The following PLXNA4 variants were observed in gnomAD, a reference collection of about 807,000 sequenced individuals.
The protein encoded by PLXNA4 is plexin-A4.
In PLXNA4, 44 loss-of-function variants were observed where a neutral mutation model predicts 191.8. That is an observed-to-expected ratio of 0.23 (90% CI 0.18 to 0.29). The LOEUF (loss-of-function observed/expected upper bound fraction) is 0.29, where lower values mean the gene tolerates loss of function less well. Ranked by LOEUF, PLXNA4 falls within the 10% of genes least tolerant of loss-of-function variation. The pLI, the probability that PLXNA4 is intolerant of heterozygous loss-of-function variation, is 1.00. For synonymous variants in PLXNA4, 1,082 were observed against 1,009.5 expected (o/e 1.07, Z -1.36); for missense variants, 1,800 against 2,488.8 (o/e 0.72, Z 5.89).
At chr7:132,153,996 C>G (rs79286416) in intron 25 of PLXNA4, among the ~76,000 whole-genome samples, 2,188 of 152,294 alleles carry the variant, frequency 0.014, 26 homozygotes, top group Non-Finnish European at 0.02. Context: ...AGCCACTAAC[C>G]AGGCTAGGTA....
At chr7:132,465,204 G>A (rs900337360) in intron 3 of PLXNA4, among the ~76,000 whole-genome samples, 1 of 152,198 alleles carries the variant, frequency 6.6e-6, no homozygotes, top group Admixed American at 6.5e-5. Context: ...CAGGCAGTGT[G>A]GAGGCTGGGG....
intron 3 of PLXNA4, among the ~76,000 whole-genome samples, chr7:132,443,287 C>A (rs1795765291): frequency 6.6e-6 from 1 of 152,206 alleles, no homozygotes; most frequent in South Asian, 2.1e-4. Flanking sequence ...TGCACCCCGT[C>A]CTCTGTGGGG....
At chr7:132,348,509 T>C (rs1454984102) in intron 3 of PLXNA4, among the ~76,000 whole-genome samples, 1 of 152,206 alleles carries the variant, frequency 6.6e-6, no homozygotes, top group Non-Finnish European at 1.5e-5. Flanking sequence ...TTCCACATCA[T>C]GACACAGAAA....
intron 1 of PLXNA4, among the ~76,000 whole-genome samples, chr7:132,514,939 A>G (rs968201675): frequency 6.6e-6 from 1 of 152,156 alleles, no homozygotes; most frequent in African/African-American, 2.4e-5. Context: ...GCTGTCATTC[A>G]TTTATCCTCT....
intron 3 of PLXNA4, among the ~76,000 whole-genome samples, chr7:132,448,372 A>G (rs1795987854): frequency 6.6e-6 from 1 of 152,208 alleles, no homozygotes; most frequent in Non-Finnish European, 1.5e-5. Flanking sequence ...AACTATTGGT[A>G]GTTTGCGAAC....
At chr7:132,632,569 T>A (rs1225059939) in intron 2 of PLXNA4, among the ~76,000 whole-genome samples, 3 of 152,182 alleles carry the variant, frequency 2.0e-5, no homozygotes, top group African/African-American at 7.2e-5. Context: ...AGCATCCATC[T>A]CTACAGCTCC....
intron 5 of PLXNA4, among the ~76,000 whole-genome samples, chr7:132,234,464 G>T (rs557646326): frequency 6.6e-6 from 1 of 152,280 alleles, no homozygotes; most frequent in East Asian, 1.9e-4. Flanking sequence ...CAGCTCCTCT[G>T]GTTGTCCACA....
chr7:132,516,661 A>G (rs1798953527), intron 1 of PLXNA4, among the ~76,000 whole-genome samples: 1 of 152,202 alleles, frequency 6.6e-6, no homozygotes, highest in African/African-American at 2.4e-5. Flanking sequence ...ATTCCAGAGC[A>G]AAAAACAGTG....
intron 1 of PLXNA4, among the ~76,000 whole-genome samples, chr7:132,565,224 A>G (rs1270413561): frequency 6.6e-6 from 1 of 152,202 alleles, no homozygotes; most frequent in Non-Finnish European, 1.5e-5. Context: ...GCAAGGGCTT[A>G]TTCCTGGCTT....
chr7:132,626,089 T>C (rs1803365319), intron 2 of PLXNA4, among the ~76,000 whole-genome samples: 1 of 152,132 alleles, frequency 6.6e-6, no homozygotes, highest in African/African-American at 2.4e-5. Flanking sequence ...GCAAGAAAAC[T>C]GGTGGTATAC....
At chr7:132,591,043 T>G (rs1165205945) in intron 2 of PLXNA4, among the ~76,000 whole-genome samples, 1 of 152,096 alleles carries the variant, frequency 6.6e-6, no homozygotes, top group Non-Finnish European at 1.5e-5. Flanking sequence ...TGGCCAGAAT[T>G]GGGTCATGTG....
intron 5 of PLXNA4, among the ~76,000 whole-genome samples, chr7:132,232,839 G>C (rs572517333): frequency 1.3e-5 from 2 of 152,120 alleles, no homozygotes; most frequent in African/African-American, 2.4e-5. Context: ...ATTAACTCCC[G>C]GTGCCGCTGG....
chr7:132,205,739 C>T (rs1052291547), intron 10 of PLXNA4, among the ~76,000 whole-genome samples: 1 of 152,192 alleles, frequency 6.6e-6, no homozygotes, highest in African/African-American at 2.4e-5. Context: ...GCAGGCTGAG[C>T]TCTGACCTGT....
intron 2 of PLXNA4, among the ~76,000 whole-genome samples, chr7:132,618,523 C>T (rs1394314129): frequency 6.6e-6 from 1 of 152,254 alleles, no homozygotes; most frequent in Non-Finnish European, 1.5e-5. Context: ...TAACCTCTGA[C>T]TGTTCTCTGC....
chr7:132,300,841 G>A (rs1051432317), intron 3 of PLXNA4, among the ~76,000 whole-genome samples: 1 of 152,244 alleles, frequency 6.6e-6, no homozygotes. Context: ...CCAGGGGAGT[G>A]CTGGCGGAAC....
At chr7:132,186,695 G>A (rs893138437) in intron 15 of PLXNA4, among the ~76,000 whole-genome samples, 1 of 152,184 alleles carries the variant, frequency 6.6e-6, no homozygotes, top group Non-Finnish European at 1.5e-5. Flanking sequence ...TGACCTAACG[G>A]ACCCTATCTT....
At chr7:132,553,140 C>G (rs542958949) in intron 1 of PLXNA4, among the ~76,000 whole-genome samples, 1 of 152,194 alleles carries the variant, frequency 6.6e-6, no homozygotes, top group Non-Finnish European at 1.5e-5. Context: ...GGCATCCACA[C>G]ATGGATGATC....
chr7:132,169,591 A>G (rs1235883460), intron 21 of PLXNA4, among the ~76,000 whole-genome samples: 3 of 152,244 alleles, frequency 2.0e-5, no homozygotes, highest in Non-Finnish European at 4.4e-5. Flanking sequence ...CAGATGCTAA[A>G]GAGGGCATAG....
At chr7:132,228,818 T>C (rs1240763281) in intron 5 of PLXNA4, among the ~76,000 whole-genome samples, 1 of 152,182 alleles carries the variant, frequency 6.6e-6, no homozygotes, top group African/African-American at 2.4e-5. Context: ...CAACCAGAGA[T>C]TTGTTTTCTT....
Sources: allele counts gnomAD v4.1 joint callset (sites outside exome capture counted in the v4.1 genomes callset), GRCh38; gene constraint gnomAD v4.1.1; transcripts MANE v1.5; gene names NCBI Gene and HGNC (gene_info 2026-07-23, HGNC 2026-07-21).